Variants in MRPS28 observed in about 807,000 individuals in gnomAD.
MRPS28 encodes the protein mitochondrial ribosomal protein S28.
A neutral mutation model predicts 10.8 loss-of-function variants in MRPS28; 7 were observed. The observed-to-expected ratio is 0.65, with a 90% confidence interval of 0.37 to 1.22. The LOEUF (loss-of-function observed/expected upper bound fraction) is 1.22. MRPS28 is among the 50% of genes most tolerant of loss of function. The pLI, the probability that MRPS28 is intolerant of heterozygous loss-of-function variation, is 0.02. For synonymous variants in MRPS28, 121 were observed against 93.3 expected (o/e 1.30, Z -1.71); for missense variants, 265 against 232.9 (o/e 1.14, Z -0.90).
chr8:79,928,671 C>T (rs1054353571), intron 2 of MRPS28, among the ~76,000 whole-genome samples: 3 of 151,514 alleles, frequency 2.0e-5, no homozygotes, highest in Non-Finnish European at 4.4e-5. Flanking sequence ...GAACTCCTGG[C>T]CTCAAGTGAT....
chr8:79,987,648 T>A (rs923094753), intron 2 of MRPS28, among the ~76,000 whole-genome samples: 2 of 152,180 alleles, frequency 1.3e-5, no homozygotes, highest in East Asian at 3.8e-4. Flanking sequence ...AAGGAAGACA[T>A]TTATGCAGCC....
intron 2 of MRPS28, among the ~76,000 whole-genome samples, chr8:79,999,572 A>G (rs777976542): frequency 6.6e-6 from 1 of 152,260 alleles, no homozygotes; most frequent in African/African-American, 2.4e-5. Flanking sequence ...TGTGAAGAGT[A>G]TAAACCTTCA....
intron 2 of MRPS28, among the ~76,000 whole-genome samples, chr8:79,959,637 T>C (rs771656943): frequency 3.3e-5 from 5 of 152,096 alleles, no homozygotes; most frequent in Non-Finnish European, 7.4e-5. Context: ...ATTTACAATA[T>C]GGGTTTTGGG....
chr8:79,952,261 G>A (rs1009294031), intron 2 of MRPS28, among the ~76,000 whole-genome samples: 1 of 152,070 alleles, frequency 6.6e-6, no homozygotes, highest in Admixed American at 6.6e-5. Flanking sequence ...TGTTCATATC[G>A]ATTGAGAAGT....
chr8:80,009,402 G>A (rs891914199), intron 1 of MRPS28, among the ~76,000 whole-genome samples: 4 of 151,760 alleles, frequency 2.6e-5, no homozygotes, highest in Admixed American at 2.6e-4. Context: ...TTGTGCACAT[G>A]TACCCTAGAA....
chr8:79,924,088 G>A (rs1253811245), intron 2 of MRPS28, among the ~76,000 whole-genome samples: 1 of 151,994 alleles, frequency 6.6e-6, no homozygotes. Flanking sequence ...ATTGAACCTC[G>A]GTATCCAAAG....
intron 2 of MRPS28, 88 bp downstream of exon 2, chr8:80,002,911 C>CA (rs1406062333): frequency 2.6e-6 from 3 of 1,142,284 alleles, no homozygotes; most frequent in Non-Finnish European, 3.6e-6. Flanking sequence ...TCTGTCTTTT[C>CA]AAAAAATCAC....
intron 2 of MRPS28, among the ~76,000 whole-genome samples, chr8:79,968,645 T>C (rs1166482482): frequency 6.6e-6 from 1 of 151,962 alleles, no homozygotes; most frequent in African/African-American, 2.4e-5. Flanking sequence ...CAGGTATCTA[T>C]ATATCTGCCT....
intron 2 of MRPS28, among the ~76,000 whole-genome samples, chr8:79,951,128 T>A (rs867467174): frequency 2.6e-5 from 4 of 152,164 alleles, no homozygotes; most frequent in African/African-American, 7.2e-5. Context: ...GGTTTATTAA[T>A]CTGTGGTCAC....
At chr8:80,030,013 C>T in intron 1 of MRPS28, 23 bp downstream of exon 1, 1 of 1,602,994 alleles carries the variant, frequency 6.2e-7, no homozygotes, top group Non-Finnish European at 8.5e-7. Context: ...CCCGCGACTC[C>T]CTCTCACCCG....
At chr8:79,945,503 T>C (rs758528329) in intron 2 of MRPS28, among the ~76,000 whole-genome samples, 2 of 152,124 alleles carry the variant, frequency 1.3e-5, no homozygotes, top group Non-Finnish European at 2.9e-5. Flanking sequence ...AAACGTAACA[T>C]AAGCTGTATA....
intron 2 of MRPS28, among the ~76,000 whole-genome samples, chr8:79,949,013 G>A (rs1051973811): frequency 6.6e-5 from 10 of 152,116 alleles, no homozygotes; most frequent in African/African-American, 2.4e-4. Context: ...GAGTAGGATG[G>A]TGTGTGTTTA....
chr8:79,931,715 ACT>A (rs527509297), intron 2 of MRPS28, among the ~76,000 whole-genome samples: 173 of 152,298 alleles, frequency 1.1e-3, no homozygotes, highest in African/African-American at 4.1e-3. Flanking sequence ...AGAACTAGCT[ACT>A]CTCTGTCATA....
At chr8:79,922,035 G>C (rs1480469850) in intron 2 of MRPS28, among the ~76,000 whole-genome samples, 1 of 152,188 alleles carries the variant, frequency 6.6e-6, no homozygotes, top group Non-Finnish European at 1.5e-5. Flanking sequence ...CATCTATTGA[G>C]ATAATCGTGG....
chr8:79,984,261 G>C (rs540062781), intron 2 of MRPS28, among the ~76,000 whole-genome samples: 2 of 152,256 alleles, frequency 1.3e-5, no homozygotes, highest in South Asian at 2.1e-4. Context: ...CCCTAAAAGA[G>C]CTCCTGAAGG....
intron 2 of MRPS28, among the ~76,000 whole-genome samples, chr8:79,947,553 C>G (rs1806951340): frequency 6.7e-6 from 1 of 148,960 alleles, no homozygotes; most frequent in African/African-American, 2.5e-5. Context: ...TTATTTAGCT[C>G]TTGTTTAATT....
chr8:79,935,389 CTG>C, intron 2 of MRPS28, among the ~76,000 whole-genome samples: 1 of 152,110 alleles, frequency 6.6e-6, no homozygotes, highest in Middle Eastern at 3.4e-3. Flanking sequence ...AGACAATAAA[CTG>C]TGTGATTGCT....
At chr8:80,003,645 G>C (rs960542330) in intron 1 of MRPS28, among the ~76,000 whole-genome samples, 1 of 152,176 alleles carries the variant, frequency 6.6e-6, no homozygotes, top group African/African-American at 2.4e-5. Flanking sequence ...GTCGGACAGC[G>C]GGTGCAGGGC....
rs1586092345 is a variant in MRPS28, at chr8:80,006,949, C to G, written c.214-3769G>C. ...GGCCAGTATCATCCTGATACCAAAG[C>G]CTGGCAGAGACACAACCAAAAAAGA... On this transcript the variant is annotated intron_variant, in intron 1 of 2. Coordinates refer to ENST00000276585, the MANE Select transcript of MRPS28 (RefSeq NM_014018.3). Among the ~76,000 whole-genome samples, 7 of 152,264 alleles carry G rather than the reference C, an allele frequency of 4.6e-5. 1 individual carries two copies. The highest frequency in any genetic ancestry group is 4.6e-4 in the Admixed American group (7 of 15,298).
Sources: allele counts gnomAD v4.1 joint callset (sites outside exome capture counted in the v4.1 genomes callset), GRCh38; gene constraint gnomAD v4.1.1; transcripts MANE v1.5; gene names NCBI Gene and HGNC (gene_info 2026-07-23, HGNC 2026-07-21).